Variants in NRCAM observed in about 807,000 individuals in gnomAD.
NRCAM encodes the protein neuronal cell adhesion molecule, also known as NgCAM-related cell adhesion molecule.
NRCAM carries 83 observed loss-of-function variants against 156.5 expected under a neutral mutation model. That is an observed-to-expected ratio of 0.53 (90% CI 0.44 to 0.64). The LOEUF (loss-of-function observed/expected upper bound fraction) is 0.64. Ranked by LOEUF, NRCAM falls within the 30% of genes least tolerant of loss-of-function variation. The pLI is 0.00. For synonymous variants in NRCAM, 538 were observed against 563.9 expected (o/e 0.95, Z 0.65); for missense variants, 1,417 against 1,597.3 (o/e 0.89, Z 1.92).
intron 11 of NRCAM, among the ~76,000 whole-genome samples, chr7:108,219,152 A>C (rs2091095630): frequency 6.6e-6 from 1 of 152,192 alleles, no homozygotes; most frequent in African/African-American, 2.4e-5. Context: ...CTCCTAGCTT[A>C]AATCAGGAAA....
At chr7:108,451,070 T>C (rs1437588896) in intron 1 of NRCAM, among the ~76,000 whole-genome samples, 1 of 151,840 alleles carries the variant, frequency 6.6e-6, no homozygotes, top group East Asian at 1.9e-4. Context: ...AATACAAAAA[T>C]TAGCTGGGCA....
At chr7:108,383,409 T>C (rs1405413669) in intron 2 of NRCAM, among the ~76,000 whole-genome samples, 1 of 152,082 alleles carries the variant, frequency 6.6e-6, no homozygotes, top group Non-Finnish European at 1.5e-5. Flanking sequence ...TGAAAACAAA[T>C]AAGATACGGA....
At chr7:108,415,335 A>C (rs187287554) in intron 1 of NRCAM, among the ~76,000 whole-genome samples, 8 of 152,236 alleles carry the variant, frequency 5.3e-5, no homozygotes, top group African/African-American at 1.9e-4. Flanking sequence ...ACGTCTAATC[A>C]CTTCCCCAGT....
At chr7:108,455,516 G>C (rs1394493399) in intron 1 of NRCAM, among the ~76,000 whole-genome samples, 2 of 152,152 alleles carry the variant, frequency 1.3e-5, no homozygotes, top group Non-Finnish European at 2.9e-5. Flanking sequence ...AGGGCGGGGC[G>C]CAGGGACTCC....
At chr7:108,292,134 T>G (rs1031613821) in intron 3 of NRCAM, among the ~76,000 whole-genome samples, 2 of 152,222 alleles carry the variant, frequency 1.3e-5, no homozygotes, top group African/African-American at 4.8e-5. Flanking sequence ...ATCAACTGTT[T>G]TTTAAAATGG....
chr7:108,281,802 T>C (rs1403043980), intron 3 of NRCAM, among the ~76,000 whole-genome samples: 1 of 152,188 alleles, frequency 6.6e-6, no homozygotes, highest in East Asian at 1.9e-4. Context: ...GCGAACACAG[T>C]TGGAAGTTTT....
At chr7:108,391,733 T>C (rs995337991) in intron 2 of NRCAM, among the ~76,000 whole-genome samples, 8 of 152,238 alleles carry the variant, frequency 5.3e-5, no homozygotes, top group Non-Finnish European at 8.8e-5. Flanking sequence ...TTTCCATGTT[T>C]AGTGCTTCCT....
intron 2 of NRCAM, among the ~76,000 whole-genome samples, chr7:108,368,224 A>ACC (rs67897117): frequency 0.016 from 1,439 of 91,000 alleles, 18 homozygotes; most frequent in African/African-American, 0.029. Context: ...ACACTTTCAT[A>ACC]CCCCCCCCCA....
In NRCAM at chr7:108,392,192, T is replaced by C. The variant is rs1048094703; in HGVS notation, c.-174+7244A>G. 5.9e-5 allele frequency among the ~76,000 whole-genome samples: 9 copies of C among 152,332 alleles called. No individual in the cohort carries two copies. In the South Asian group the frequency reaches 6.2e-4, roughly 11 times the overall value. ...GTTTTCCAACTTGGTTCCATTCTCC[T>C]CGTCACTTTCAGGTATACCAATCAG... On this transcript the variant is annotated intron_variant, in intron 2 of 32. Transcript: ENST00000379028.
Position 108,153,873 on chromosome 7 carries a change from T to G in NRCAM, c.3678-3726A>C, listed in dbSNP as rs563800102. The stretch of plus-strand genomic sequence containing the variant: ...TATAAAGACAAATCCAACAAAAATA[T>G]GTGTAAGACCTCCGAAGAAAATAAA... On this transcript the variant is annotated intron_variant, in intron 32 of 32. Transcript: ENST00000379028. 2.0e-5 allele frequency among the ~76,000 whole-genome samples: 3 copies of G among 152,158 alleles called. No individual in the cohort carries two copies. The East Asian group carries it at 5.8e-4, about 29-fold the overall frequency.
chr7:108,342,456 C>T lies in NRCAM; in HGVS notation c.-173-29725G>A, dbSNP rs528705574. On this transcript the variant is annotated intron_variant, in intron 2 of 32. Transcript: ENST00000379028. Reference sequence around the variant, plus strand: ...GCCGAATATGGATTCCCAGGTACGGCGAAATAGCTAGGCCATTATATACAC... The same window carrying T: ...GCCGAATATGGATTCCCAGGTACGGTGAAATAGCTAGGCCATTATATACAC... 5.9e-5 allele frequency among the ~76,000 whole-genome samples: 9 copies of T among 152,278 alleles called. 1 individual carries two copies. The highest frequency in any genetic ancestry group is 4.1e-4 in the South Asian group (2 of 4,822).
chr7:108,446,872 C>T (rs560118617), intron 1 of NRCAM, among the ~76,000 whole-genome samples: 14 of 151,746 alleles, frequency 9.2e-5, no homozygotes, highest in South Asian at 6.3e-4. Flanking sequence ...GGATTACAGA[C>T]GCCCACCACC....
chr7:108,246,211 TG>T (rs1175946063), intron 3 of NRCAM, among the ~76,000 whole-genome samples: 1 of 152,174 alleles, frequency 6.6e-6, no homozygotes, highest in African/African-American at 2.4e-5. Context: ...GGGAGGAGAC[TG>T]CTCCACTCTG....
chr7:108,356,325 A>G (rs2099496998), intron 2 of NRCAM, among the ~76,000 whole-genome samples: 1 of 152,200 alleles, frequency 6.6e-6, no homozygotes, highest in Admixed American at 6.5e-5. Context: ...TTGTTCTATT[A>G]TTATTAATCT....
At chr7:108,447,671 C>A (rs1193126894) in intron 1 of NRCAM, among the ~76,000 whole-genome samples, 1 of 152,150 alleles carries the variant, frequency 6.6e-6, no homozygotes, top group African/African-American at 2.4e-5. Context: ...GGAATTTAAG[C>A]ATGTTACACT....
intron 1 of NRCAM, among the ~76,000 whole-genome samples, chr7:108,415,958 G>A (rs1801069720): frequency 6.6e-6 from 1 of 152,230 alleles, no homozygotes; most frequent in Non-Finnish European, 1.5e-5. Flanking sequence ...CTCTTATGTA[G>A]TTATTTTTAC....
At chr7:108,443,891 G>GATAC (rs796654844) in intron 1 of NRCAM, among the ~76,000 whole-genome samples, 1,511 of 145,890 alleles carry the variant, frequency 0.01, 16 homozygotes, top group Middle Eastern at 0.028. Context: ...TAGATAGATA[G>GATAC]ATACATACAT....
intron 13 of NRCAM, among the ~76,000 whole-genome samples, chr7:108,201,448 C>T (rs1304521590): frequency 1.3e-5 from 2 of 152,194 alleles, no homozygotes; most frequent in East Asian, 1.9e-4. Flanking sequence ...TTAAAAGTTA[C>T]ACCACCACGC....
chr7:108,391,958 G>A (rs1487101883), intron 2 of NRCAM, among the ~76,000 whole-genome samples: 2 of 152,156 alleles, frequency 1.3e-5, no homozygotes. Context: ...TAGTCTGATG[G>A]GCTTCCCTTT....
Sources: gnomAD v4.1 joint callset for allele counts (sites outside exome capture counted in the v4.1 genomes callset) on GRCh38, gnomAD v4.1.1 for gene constraint, MANE v1.5 for transcripts, NCBI Gene and HGNC (gene_info 2026-07-23, HGNC 2026-07-21) for gene names.